Variants in DMAC2L observed in about 807,000 individuals in gnomAD.
The protein encoded by DMAC2L is ATP synthase subunit s, mitochondrial.
DMAC2L carries 21 observed loss-of-function variants against 22.5 expected under a neutral mutation model. The observed-to-expected ratio is 0.93, with a 90% confidence interval of 0.66 to 1.34. The LOEUF (loss-of-function observed/expected upper bound fraction) is 1.34, where lower values mean the gene tolerates loss of function less well. Among genes scored for constraint, DMAC2L ranks in the 40% most tolerant of loss-of-function variants. DMAC2L has a pLI of 0.00. For synonymous variants in DMAC2L, 86 were observed against 89.5 expected (o/e 0.96, Z 0.22); for missense variants, 239 against 246.5 (o/e 0.97, Z 0.20).
At chr14:50,316,109 G>T (rs1000668178) in intron 2 of DMAC2L, among the ~76,000 whole-genome samples, 1 of 151,524 alleles carries the variant, frequency 6.6e-6, no homozygotes, top group Admixed American at 6.6e-5. Context: ...TTCTTGCGGG[G>T]AGTAAGGTGG....
intron 1 of DMAC2L, chr14:50,312,867 A>G (rs1261051153): frequency 2.4e-5 from 18 of 734,818 alleles, no homozygotes; most frequent in Non-Finnish European, 3.7e-5. Flanking sequence ...TGGCGGTGCT[A>G]TTCATTCAGT....
At chr14:50,324,819 A>G (rs2032583974) in intron 5 of DMAC2L, 1 of 152,282 alleles carries the variant, frequency 6.6e-6, no homozygotes, top group African/African-American at 2.4e-5. Flanking sequence ...TTTGTTGCCC[A>G]GGTTGGAGTG....
intron 2 of DMAC2L, among the ~76,000 whole-genome samples, chr14:50,319,737 C>T (rs2032109103): frequency 6.6e-6 from 1 of 152,152 alleles, no homozygotes; most frequent in Non-Finnish European, 1.5e-5. Flanking sequence ...CCTGCTAACA[C>T]TTAGTATGTA....
intron 1 of DMAC2L, 113 bp from the exon 2 acceptor site, chr14:50,314,476 ACT>A (rs1349708817): frequency 2.2e-6 from 1 of 453,250 alleles, no homozygotes; most frequent in Non-Finnish European, 4.4e-6. Context: ...AGTACATTCA[ACT>A]GTTCACTCAT....
chr14:50,314,732 C>T (rs1474768358), intron 2 of DMAC2L, 106 bp downstream of exon 2: 3 of 424,836 alleles, frequency 7.1e-6, no homozygotes, highest in Non-Finnish European at 9.5e-6. Context: ...GCCTCTGCCT[C>T]CTGGTCTCAA....
intron 2 of DMAC2L, among the ~76,000 whole-genome samples, chr14:50,315,517 C>G (rs1397298986): frequency 6.6e-6 from 1 of 151,598 alleles, no homozygotes; most frequent in African/African-American, 2.4e-5. Context: ...AAAAAATTAG[C>G]TGGGCGTGGT....
chr14:50,312,063 C>A (rs766016839), upstream of DMAC2L: 1 of 1,596,616 alleles, frequency 6.3e-7, no homozygotes, highest in Non-Finnish European at 8.5e-7. Flanking sequence ...CTCCCAGACG[C>A]GAACCCGCAC....
intron 2 of DMAC2L, among the ~76,000 whole-genome samples, chr14:50,318,221 T>C (rs1267510315): frequency 6.6e-6 from 1 of 152,214 alleles, no homozygotes; most frequent in Non-Finnish European, 1.5e-5. Context: ...GTCTCCTCTT[T>C]CCCTATAGAA....
In DMAC2L at chr14:50,322,605, G is replaced by C; in HGVS notation, c.202G>C (p.Glu68Gln). 6.2e-7 allele frequency: 1 copy of C among 1,614,188 alleles called. No individual in the cohort carries two copies. Among genetic ancestry groups the C allele is most frequent in the East Asian group, 2.2e-5 (1 of 44,882 alleles). Residue 68 changes from glutamate (E) to glutamine (Q), a missense_variant, in exon 4 of 6, where the codon GAG becomes CAG. Coordinates refer to ENST00000557421, the MANE Select transcript of DMAC2L (RefSeq NM_001382507.1). ...GGCCATGGTGCGCTACCATGGCCAG[G>C]AGAGGTGGCAGAAGGACTACAACCA... ...CGAMVRYHGQ[E>Q]RWQKDYNHLP...
chr14:50,312,945 C>T, intron 1 of DMAC2L: 1 of 1,579,950 alleles, frequency 6.3e-7, no homozygotes, highest in Non-Finnish European at 8.7e-7. Flanking sequence ...ACCGGAAGAA[C>T]CAGACAGCTC....
chr14:50,320,392 A>G (rs1347308019), intron 2 of DMAC2L, among the ~76,000 whole-genome samples: 1 of 152,156 alleles, frequency 6.6e-6, no homozygotes, highest in Non-Finnish European at 1.5e-5. Flanking sequence ...TTTGTTCAGA[A>G]ACCTCGGTGA....
At chr14:50,316,691 A>T (rs969661413) in intron 2 of DMAC2L, among the ~76,000 whole-genome samples, 1 of 152,096 alleles carries the variant, frequency 6.6e-6, no homozygotes, top group Admixed American at 6.5e-5. Context: ...TTTGTTGAAG[A>T]TCAGTTGGCT....
intron 3 of DMAC2L, among the ~76,000 whole-genome samples, chr14:50,322,180 A>G (rs1275165502): frequency 6.6e-6 from 1 of 152,250 alleles, no homozygotes. Flanking sequence ...AAGTATAGTC[A>G]TTCGTAGAAT....
chr14:50,317,869 G>T (rs560579115), intron 2 of DMAC2L, among the ~76,000 whole-genome samples: 38 of 152,194 alleles, frequency 2.5e-4, no homozygotes, highest in African/African-American at 8.9e-4. Flanking sequence ...TTCATATTAT[G>T]TTGGCTGTGG....
Position 50,325,671 on chromosome 14 carries a change from A to C in DMAC2L, c.551A>C (p.Gln184Pro), listed in dbSNP as rs2032666671. ...PGVREKENLV[Q>P]AFKTALPSLE... Reference sequence around the variant, plus strand: ...GTAAGAGAAAAAGAAAATCTTGTCCAAGCCTTTAAGACAGCACTGCCTTCT... The same window carrying C: ...GTAAGAGAAAAAGAAAATCTTGTCCCAGCCTTTAAGACAGCACTGCCTTCT... The change falls in exon 6 of 6, where the codon CAA (glutamine) becomes CCA (proline). Residue 184 changes from glutamine to proline, a missense_variant. By Grantham distance (76) the Gln-to-Pro change is moderately conservative (BLOSUM62 -1). Transcript: ENST00000557421. 2 of 1,613,212 alleles carry C rather than the reference A, an allele frequency of 1.2e-6. No homozygotes were observed. Among genetic ancestry groups the C allele is most frequent in the African/African-American group, 2.7e-5 (2 of 75,018 alleles).
chr14:50,321,527 G>T lies in DMAC2L; in HGVS notation c.40G>T (p.Val14Leu), dbSNP rs567348190. ...AAAAATTTCCCAGCAGTTGTGTGGCGTAAAGAAACTCCCATGGTCATGTGA... is the reference window on the plus strand; with the variant it reads ...AAAAATTTCCCAGCAGTTGTGTGGCTTAAAGAAACTCCCATGGTCATGTGA... ...FGKISQQLCG[V>L]KKLPWSCDSR... Residue 14 changes from valine (V) to leucine (L), a missense_variant, in exon 3 of 6, where the codon GTA (valine) becomes TTA (leucine). Val to Leu is a conservative substitution (Grantham distance 32, BLOSUM62 1). Coordinates refer to ENST00000557421, the MANE Select transcript of DMAC2L (RefSeq NM_001382507.1). 1.2e-6 allele frequency: 2 copies of T among 1,613,936 alleles called. No homozygotes were observed. Among genetic ancestry groups the T allele is most frequent in the Non-Finnish European group, 1.7e-6 (2 of 1,179,962 alleles).
chr14:50,324,297 G>A lies in DMAC2L; in HGVS notation c.488+181G>A, dbSNP rs143576411. 8.5e-4 allele frequency: 413 copies of A among 488,488 alleles called. 2 individuals carry two copies. Among genetic ancestry groups the A allele is most frequent in the African/African-American group, 6.2e-3 (311 of 49,778 alleles). 30.3% of individuals were successfully genotyped at this position (488,488 alleles called of 1,614,324 possible). ...AAATGATCAACCTTAATACATTAAT[G>A]TTGTATTGAATTTTTTATAGAGTAT... On this transcript the variant is annotated intron_variant, in intron 5 of 5. Coordinates refer to ENST00000557421, the MANE Select transcript of DMAC2L (RefSeq NM_001382507.1).
In DMAC2L at chr14:50,326,404, G is replaced by T; in HGVS notation, c.*681G>T. On this transcript the variant is annotated 3_prime_UTR_variant, in exon 6 of 6. Coordinates refer to ENST00000557421, the MANE Select transcript of DMAC2L (RefSeq NM_001382507.1). ...TACATTTAACTTTAAAGTTAGTGAA[G>T]CATACTACCATAAATGCACAATTAT... is the stretch of plus-strand genomic sequence containing the variant. 1.0e-6 allele frequency: 1 copy of T among 956,674 alleles called. No individual in the cohort carries two copies. The allele number at this position is 956,674 out of a possible 1,614,324, so 59.3% of individuals were successfully genotyped here. A position where few individuals can be genotyped will look rare whatever the true frequency, so the allele number is the denominator to read the frequency against.
intron 4 of DMAC2L, chr14:50,323,025 A>ATAATGCAG (rs995260498): frequency 3.9e-6 from 5 of 1,274,464 alleles, no homozygotes; most frequent in Non-Finnish European, 5.0e-6. Context: ...GAAGCCCTCA[A>ATAATGCAG]TAATGCAGGA....
Sources: gnomAD v4.1 joint callset for allele counts (sites outside exome capture counted in the v4.1 genomes callset) on GRCh38, gnomAD v4.1.1 for gene constraint, MANE v1.5 for transcripts, NCBI Gene and HGNC (gene_info 2026-07-23, HGNC 2026-07-21) for gene names.